Variants in GPC6 observed in about 807,000 individuals in gnomAD.
The protein encoded by GPC6 is glypican 6.
In GPC6, 14 loss-of-function variants were observed where a neutral mutation model predicts 55.2. The ratio of observed to expected loss-of-function variants is 0.25; its 90% CI spans 0.17 to 0.40. The LOEUF is 0.40. GPC6 is among the 10% of genes least tolerant of loss of function. The pLI, the probability that GPC6 is intolerant of heterozygous loss-of-function variation, is 1.00. For missense variants in GPC6, 641 were observed against 708.5 expected (o/e 0.90, Z 1.08); for synonymous variants, 278 against 259.6 (o/e 1.07, Z -0.68).
Position 94,403,895 on chromosome 13 carries a change from T to G in GPC6, c.*678T>G, listed in dbSNP as rs1474443692. The G allele has an allele frequency of 6.4e-6, 1 of 157,360 alleles. No homozygotes were observed. The highest frequency in any genetic ancestry group is 1.9e-4 in the East Asian group (1 of 5,338). The allele number at this position is 157,360 out of a possible 1,614,324, so 9.7% of individuals were successfully genotyped here. ...CCGTCTTTAATATGAGAACACAAAT[T>G]ACTACAACTCAGTACCTCTGTCTTA... On this transcript the variant is annotated 3_prime_UTR_variant, in exon 9 of 9. Transcript: ENST00000377047.
chr13:93,350,592 G>A (rs1190391257), intron 1 of GPC6, among the ~76,000 whole-genome samples: 1 of 152,126 alleles, frequency 6.6e-6, no homozygotes, highest in Non-Finnish European at 1.5e-5. Context: ...ATATCAAGGT[G>A]ATCTGGACCT....
intron 4 of GPC6, among the ~76,000 whole-genome samples, chr13:94,271,268 G>T (rs1285696678): frequency 1.3e-5 from 2 of 151,712 alleles, no homozygotes; most frequent in African/African-American, 4.8e-5. Context: ...TGGGATTACA[G>T]GCATGAGCCA....
At chr13:94,028,674 T>C (rs1343871319) in intron 4 of GPC6, among the ~76,000 whole-genome samples, 1 of 152,148 alleles carries the variant, frequency 6.6e-6, no homozygotes, top group Non-Finnish European at 1.5e-5. Context: ...AAAAGAAGGC[T>C]TTAAGCACAC....
intron 2 of GPC6, among the ~76,000 whole-genome samples, chr13:93,597,979 A>G (rs1877839017): frequency 6.6e-6 from 1 of 152,020 alleles, no homozygotes; most frequent in Admixed American, 6.6e-5. Flanking sequence ...CCCCATCTCT[A>G]CTAAAAATAC....
chr13:93,431,425 T>C (rs562662585), intron 1 of GPC6, among the ~76,000 whole-genome samples: 1 of 152,222 alleles, frequency 6.6e-6, no homozygotes, highest in African/African-American at 2.4e-5. Flanking sequence ...ATAATTAAGT[T>C]GATAAATATA....
At chr13:94,312,231 G>A (rs1256404045) in intron 6 of GPC6, among the ~76,000 whole-genome samples, 1 of 152,136 alleles carries the variant, frequency 6.6e-6, no homozygotes, top group Non-Finnish European at 1.5e-5. Context: ...TGTAACTTTT[G>A]AAATTCATCG....
intron 1 of GPC6, among the ~76,000 whole-genome samples, chr13:93,300,647 CA>C (rs11386516): frequency 0.028 from 2,830 of 99,458 alleles, 66 homozygotes; most frequent in African/African-American, 0.088. Flanking sequence ...GACTCTGTCT[CA>C]AAAAAAAAAA....
chr13:93,782,195 G>A (rs991841664), intron 2 of GPC6, among the ~76,000 whole-genome samples: 1 of 152,036 alleles, frequency 6.6e-6, no homozygotes, highest in East Asian at 1.9e-4. Flanking sequence ...ATCATTCTGT[G>A]CTTGGCCTAT....
chr13:93,884,897 A>G (rs1008281416), intron 3 of GPC6, among the ~76,000 whole-genome samples: 1 of 152,090 alleles, frequency 6.6e-6, no homozygotes, highest in Admixed American at 6.6e-5. Context: ...CTTTTAGTGA[A>G]AAATTCTAGA....
At chr13:93,452,835 A>C (rs147917534) in intron 1 of GPC6, among the ~76,000 whole-genome samples, 35 of 152,154 alleles carry the variant, frequency 2.3e-4, no homozygotes, top group African/African-American at 8.4e-4. Flanking sequence ...ATTAAAGTAG[A>C]TATTGAGAAG....
Position 94,297,555 on chromosome 13 carries a change from T to C in GPC6, c.1009-8425T>C, listed in dbSNP as rs1162430077. 2.0e-5 allele frequency among the ~76,000 whole-genome samples: 3 copies of C among 152,166 alleles called. No homozygotes were observed. The East Asian group carries it at 5.8e-4, about 29-fold the overall frequency. ...TGTTTTGCTGCCTGAGAAATGCAAA[T>C]CCTTCAGGGAAAAATATCTTCTCAT... On this transcript the variant is annotated intron_variant, in intron 5 of 8. Transcript: ENST00000377047.
chr13:93,557,700 T>C (rs1875555728), intron 2 of GPC6, among the ~76,000 whole-genome samples: 1 of 152,162 alleles, frequency 6.6e-6, no homozygotes, highest in Non-Finnish European at 1.5e-5. Flanking sequence ...AGTGAAAACC[T>C]TCTGTTAGTT....
intron 1 of GPC6, among the ~76,000 whole-genome samples, chr13:93,500,763 T>C (rs984767426): frequency 1.3e-5 from 2 of 152,144 alleles, no homozygotes; most frequent in African/African-American, 2.4e-5. Context: ...TAGAAAGTGT[T>C]ATGCTTAAAA....
intron 2 of GPC6, among the ~76,000 whole-genome samples, chr13:93,597,022 AAAAAAAAAG>A (rs1170903888): frequency 9.4e-5 from 14 of 148,206 alleles, no homozygotes; most frequent in African/African-American, 3.5e-4. Context: ...AAAAAAAAAA[AAAAAAAAAG>A]AAAAGAAAAG....
intron 2 of GPC6, among the ~76,000 whole-genome samples, chr13:93,729,390 A>G (rs7981536): frequency 0.48 from 73,185 of 152,046 alleles, 19,462 homozygotes; most frequent in Middle Eastern, 0.75. Context: ...ATACTCCTTT[A>G]TAATGTACCA....
chr13:93,568,822 T>G (rs933866458), intron 2 of GPC6, among the ~76,000 whole-genome samples: 1 of 152,188 alleles, frequency 6.6e-6, no homozygotes. Flanking sequence ...AAACTAATGA[T>G]TCTCTTCATT....
At chr13:93,737,463 A>G (rs972753479) in intron 2 of GPC6, among the ~76,000 whole-genome samples, 1 of 152,156 alleles carries the variant, frequency 6.6e-6, no homozygotes, top group Non-Finnish European at 1.5e-5. Context: ...CTTGGTAGAA[A>G]ATACTTGGAA....
chr13:94,048,489 G>A (rs376980204), intron 4 of GPC6, among the ~76,000 whole-genome samples: 49 of 152,002 alleles, frequency 3.2e-4, no homozygotes, highest in Middle Eastern at 3.4e-3. Context: ...AGCAGTGGGC[G>A]CCATTTGCTT....
chr13:93,816,356 G>T (rs760655227), intron 2 of GPC6, among the ~76,000 whole-genome samples: 13 of 152,118 alleles, frequency 8.5e-5, no homozygotes, highest in Non-Finnish European at 1.2e-4. Flanking sequence ...ACAGCACGCT[G>T]TGCTTTAGAG....
Sources: allele counts gnomAD v4.1 joint callset (sites outside exome capture counted in the v4.1 genomes callset), GRCh38; gene constraint gnomAD v4.1.1; transcripts MANE v1.5; gene names NCBI Gene and HGNC (gene_info 2026-07-23, HGNC 2026-07-21).